Variants in KIAA1671 observed in about 807,000 individuals in gnomAD.
KIAA1671 encodes the protein KIAA1671.
A neutral mutation model predicts 131.2 loss-of-function variants in KIAA1671; 52 were observed. The observed-to-expected ratio is 0.40, with a 90% CI of 0.32 to 0.50. The LOEUF is 0.50. Among genes scored for constraint, KIAA1671 ranks in the 20% least tolerant of loss-of-function variants. The probability of loss-of-function intolerance (pLI) is 0.73; values close to 1 mark genes in which losing one functional copy is unlikely to be tolerated. For missense variants in KIAA1671, 2,360 were observed against 2,364.2 expected (o/e 1.00, Z 0.04); for synonymous variants, 1,003 against 961.6 (o/e 1.04, Z -0.80).
chr22:25,150,905 T>A (rs1444184910), intron 6 of KIAA1671, among the ~76,000 whole-genome samples: 2 of 149,858 alleles, frequency 1.3e-5, no homozygotes, highest in Non-Finnish European at 3.0e-5. Flanking sequence ...CAATCTCGGC[T>A]TACTGCAAGC....
chr22:25,153,904 G>A (rs1933134697), intron 6 of KIAA1671, among the ~76,000 whole-genome samples: 2 of 152,208 alleles, frequency 1.3e-5, no homozygotes, highest in East Asian at 1.9e-4. Flanking sequence ...ACCCCAAGGC[G>A]CCTGCTAACC....
chr22:24,994,707 G>A (rs1240326306), intron 1 of KIAA1671, among the ~76,000 whole-genome samples: 1 of 152,140 alleles, frequency 6.6e-6, no homozygotes, highest in Non-Finnish European at 1.5e-5. Context: ...TCCTGCTTCT[G>A]CCTGAGATCC....
chr22:25,093,708 C>T (rs2145881428), intron 6 of KIAA1671, among the ~76,000 whole-genome samples: 1 of 117,122 alleles, frequency 8.5e-6, no homozygotes, highest in African/African-American at 5.9e-5. Context: ...CACACACACA[C>T]ACACACACAC....
chr22:25,019,881 T>C (rs1925568827), intron 1 of KIAA1671, among the ~76,000 whole-genome samples: 1 of 152,174 alleles, frequency 6.6e-6, no homozygotes, highest in Non-Finnish European at 1.5e-5. Context: ...GAATTGGAGG[T>C]CTGCTCTTCC....
chr22:24,998,890 C>A (rs1707270542), intron 1 of KIAA1671, among the ~76,000 whole-genome samples: 1 of 151,412 alleles, frequency 6.6e-6, no homozygotes, highest in South Asian at 2.1e-4. Context: ...GAATATGCCA[C>A]AATTTATGTA....
At chr22:24,953,514 C>G (rs1436867905) in intron 1 of KIAA1671, among the ~76,000 whole-genome samples, 5 of 152,014 alleles carry the variant, frequency 3.3e-5, no homozygotes, top group African/African-American at 4.8e-5. Context: ...CTCGTCTTCC[C>G]AGGGCGGAGG....
chr22:25,135,361 A>G (rs1932629747), intron 6 of KIAA1671, among the ~76,000 whole-genome samples: 1 of 151,870 alleles, frequency 6.6e-6, no homozygotes, highest in Non-Finnish European at 1.5e-5. Flanking sequence ...AATTTTTTGT[A>G]TTTTTTAGTA....
chr22:25,163,937 T>C (rs1474931911), intron 6 of KIAA1671, among the ~76,000 whole-genome samples: 3 of 152,242 alleles, frequency 2.0e-5, no homozygotes, highest in Admixed American at 2.0e-4. Context: ...ATTAAGGCTA[T>C]GCAGATTTTA....
Position 25,179,542 on chromosome 22 carries a change from C to G in KIAA1671, c.5074+2020C>G, listed in dbSNP as rs6004460. 6.8e-5 allele frequency: 108 copies of G among 1,588,060 alleles called. No individual in the cohort carries two copies. The African/African-American group carries it at 1.3e-3, about 20-fold the overall frequency. On this transcript the variant is annotated intron_variant, in intron 9 of 12. Transcript: ENST00000358431. ...GCGGCTCCACCAGCTGCTTCAGCAC[C>G]TGCGCCTCCTGCGTTGGGAAGGGAA...
chr22:25,000,184 GTTTTT>G (rs1184771280), intron 1 of KIAA1671, among the ~76,000 whole-genome samples: 2 of 62,158 alleles, frequency 3.2e-5, no homozygotes, highest in African/African-American at 1.9e-4. Flanking sequence ...CTCCTCGCCT[GTTTTT>G]TTTTTTTTTT....
intron 3 of KIAA1671, among the ~76,000 whole-genome samples, chr22:25,032,137 T>C (rs1602083125): frequency 6.6e-6 from 1 of 152,180 alleles, no homozygotes; most frequent in African/African-American, 2.4e-5. Flanking sequence ...CCCTTCAGTC[T>C]GGGGGCTGCT....
Position 25,064,444 on chromosome 22 carries a change from G to A in KIAA1671, c.4530+15080G>A, listed in dbSNP as rs1196564678. On this transcript the variant is annotated intron_variant, in intron 6 of 12. Coordinates refer to ENST00000358431, the MANE Select transcript of KIAA1671 (RefSeq NM_001145206.2). ...CATTCATGCCTCCCAGCGACCCTGC[G>A]GGGGCAGGCACTGTCATCATCCTTA... 5.3e-5 allele frequency: 8 copies of A among 152,238 alleles called. No homozygotes were observed. In the East Asian group the frequency reaches 1.3e-3, roughly 26 times the overall value. 9.4% of individuals were successfully genotyped at this position (152,238 alleles called of 1,614,324 possible). A position where few individuals can be genotyped will look rare whatever the true frequency, so the allele number is the denominator to read the frequency against.
chr22:25,133,053 C>CAA (rs200397060), intron 6 of KIAA1671, among the ~76,000 whole-genome samples: 3 of 90,472 alleles, frequency 3.3e-5, no homozygotes, highest in Non-Finnish European at 4.4e-5. Flanking sequence ...GACTCCATCT[C>CAA]AAAAAAAAAA....
intron 6 of KIAA1671, among the ~76,000 whole-genome samples, chr22:25,108,957 TG>T (rs1180229777): frequency 6.6e-6 from 1 of 152,176 alleles, no homozygotes; most frequent in East Asian, 1.9e-4. Flanking sequence ...AGCTGTTTGC[TG>T]GGGGCCTCAG....
intron 6 of KIAA1671, among the ~76,000 whole-genome samples, chr22:25,125,185 A>G (rs1374717809): frequency 6.6e-6 from 1 of 152,218 alleles, no homozygotes; most frequent in Non-Finnish European, 1.5e-5. Context: ...TAAAAATTTC[A>G]GAGGAAAAAA....
At chr22:25,151,998 C>T (rs569772000) in intron 6 of KIAA1671, among the ~76,000 whole-genome samples, 1 of 152,216 alleles carries the variant, frequency 6.6e-6, no homozygotes, top group Non-Finnish European at 1.5e-5. Flanking sequence ...CTAAGCCTCC[C>T]AATGACATGG....
chr22:24,955,627 G>T (rs574771584), intron 1 of KIAA1671, among the ~76,000 whole-genome samples: 30 of 152,286 alleles, frequency 2.0e-4, no homozygotes, highest in African/African-American at 6.3e-4. Flanking sequence ...GAGGGGCAGG[G>T]TCAGATGTGT....
At chr22:25,069,202 A>AAAACT (rs1304578176) in intron 6 of KIAA1671, among the ~76,000 whole-genome samples, 2 of 152,262 alleles carry the variant, frequency 1.3e-5, no homozygotes, top group East Asian at 1.9e-4. Context: ...TATGACCATG[A>AAAACT]AAACTAAACT....
chr22:25,037,364 G>GTGTATATATGTATATATGTGTATATA (rs1474398477), intron 4 of KIAA1671, among the ~76,000 whole-genome samples: 1 of 151,678 alleles, frequency 6.6e-6, no homozygotes. Context: ...AAATATATAT[G>GTGTATATATGTATATATGTGTATATA]TGTATATATG....
Sources: gnomAD v4.1 joint callset for allele counts (sites outside exome capture counted in the v4.1 genomes callset) on GRCh38, gnomAD v4.1.1 for gene constraint, MANE v1.5 for transcripts, NCBI Gene and HGNC (gene_info 2026-07-23, HGNC 2026-07-21) for gene names.